The following LARP1 variants were observed in gnomAD, a reference collection of about 807,000 sequenced individuals.
LARP1 encodes the protein la-related protein 1.
A neutral mutation model predicts 122.7 loss-of-function variants in LARP1; 36 were observed. The ratio of observed to expected loss-of-function variants is 0.29; its 90% CI spans 0.22 to 0.39. The LOEUF is 0.39. Among genes scored for constraint, LARP1 ranks in the 10% least tolerant of loss-of-function variants. The probability of loss-of-function intolerance (pLI) is 1.00; values close to 1 mark genes in which losing one functional copy is unlikely to be tolerated. For synonymous variants in LARP1, 539 were observed against 528.7 expected (o/e 1.02, Z -0.27); for missense variants, 1,040 against 1,403.6 (o/e 0.74, Z 4.14).
chr5:154,792,531 C>T, intron 3 of LARP1, 91 bp from the exon 4 acceptor site: 1 of 1,188,538 alleles, frequency 8.4e-7, no homozygotes. Context: ...GCTGTGGCTC[C>T]TGCCTGCCCT....
At chr5:154,800,407 C>T (rs1758254177) in intron 10 of LARP1, among the ~76,000 whole-genome samples, 1 of 152,004 alleles carries the variant, frequency 6.6e-6, no homozygotes, top group Admixed American at 6.6e-5. Context: ...TGAGTATGTC[C>T]CCACTATCAT....
At chr5:154,778,684 A>G (rs1020123690) in intron 1 of LARP1, among the ~76,000 whole-genome samples, 5 of 152,214 alleles carry the variant, frequency 3.3e-5, no homozygotes, top group African/African-American at 1.2e-4. Flanking sequence ...ACTGGAGGGT[A>G]GTTCTTGCCA....
At chr5:154,764,928 A>C (rs1199006584) in intron 1 of LARP1, among the ~76,000 whole-genome samples, 2 of 151,518 alleles carry the variant, frequency 1.3e-5, no homozygotes, top group African/African-American at 4.8e-5. Context: ...AAGAAACAAC[A>C]AAAAAAACCT....
intron 1 of LARP1, among the ~76,000 whole-genome samples, chr5:154,739,109 G>A (rs531940009): frequency 1.4e-4 from 22 of 152,184 alleles, no homozygotes; most frequent in African/African-American, 4.6e-4. Context: ...TCTGCCTCCC[G>A]GGTTCAAGCA....
At chr5:154,786,973 G>A (rs564126806) in intron 1 of LARP1, among the ~76,000 whole-genome samples, 1 of 151,698 alleles carries the variant, frequency 6.6e-6, no homozygotes, top group African/African-American at 2.4e-5. Context: ...CCTGCCTCCT[G>A]GGTTCAAGTG....
intron 1 of LARP1, among the ~76,000 whole-genome samples, chr5:154,684,199 T>C (rs1286703832): frequency 6.6e-6 from 1 of 152,128 alleles, no homozygotes; most frequent in African/African-American, 2.4e-5. Flanking sequence ...TCCCAGCACT[T>C]TGGGAGGCCA....
rs79292453 is a variant in LARP1, at chr5:154,699,256, A to G, written c.-180+16219A>G. Reference sequence around the variant, plus strand: ...CACTGTGAAGGACACAAACACTTCAATGGATGTCAATCACATGTCAGGGAA... The same window carrying G: ...CACTGTGAAGGACACAAACACTTCAGTGGATGTCAATCACATGTCAGGGAA... On this transcript the variant is annotated intron_variant, in intron 1 of 18. Transcript: ENST00000687700. Among the ~76,000 whole-genome samples the G allele has an allele frequency of 5.2e-3, 795 of 152,352 alleles. 9 individuals carry two copies. Among genetic ancestry groups the G allele is most frequent in the East Asian group, 0.034 (175 of 5,190 alleles).
At chr5:154,706,483 A>C (rs538905998) in intron 1 of LARP1, among the ~76,000 whole-genome samples, 4 of 152,062 alleles carry the variant, frequency 2.6e-5, no homozygotes, top group Non-Finnish European at 5.9e-5. Flanking sequence ...ACATGTTCTC[A>C]CTTGTAAGTG....
Position 154,803,537 on chromosome 5 carries a change from C to G in LARP1, c.2234-3C>G, listed in dbSNP as rs537697139. On this transcript the variant is annotated splice_region_variant and splice_polypyrimidine_tract_variant and intron_variant, in intron 12 of 18. Transcript: ENST00000518297. The surrounding 1 kb of genome is among the most constrained non-coding windows in gnomAD (Gnocchi z 4.4). ...TTCCTGACTCCTCTCTCTGCCTCTG[C>G]AGTTCCTACGGATGCCCTGGCCAAC... The G allele has an allele frequency of 1.2e-6, 2 of 1,614,050 alleles. No individual in the cohort carries two copies. The highest frequency in any genetic ancestry group is 1.7e-6 in the Non-Finnish European group (2 of 1,180,032).
At chr5:154,703,324 T>G (rs1335053022) in intron 1 of LARP1, among the ~76,000 whole-genome samples, 1 of 152,114 alleles carries the variant, frequency 6.6e-6, no homozygotes, top group Non-Finnish European at 1.5e-5. Flanking sequence ...CCAGTTGCCT[T>G]TGGCCTGGGA....
In LARP1 at chr5:154,734,799, T is replaced by C. The variant is rs1670059294; in HGVS notation, c.205+21669T>C. ...TTTTTATCTTGCTAAACTGAAACTC[T>C]GCACCCATTAAAAAACAACTTCCCT... On this transcript the variant is annotated intron_variant, in intron 1 of 18. Coordinates refer to the LARP1 transcript ENST00000336314. Among the ~76,000 whole-genome samples the C allele has an allele frequency of 2.0e-5, 3 of 152,330 alleles. No homozygotes were observed. The South Asian group carries it at 6.2e-4, about 32-fold the overall frequency.
intron 1 of LARP1, among the ~76,000 whole-genome samples, chr5:154,778,216 C>T (rs552198738): frequency 1.3e-5 from 2 of 148,764 alleles, no homozygotes; most frequent in African/African-American, 2.5e-5. Context: ...GCCGAGATCG[C>T]GCTGCTGCAC....
At chr5:154,741,718 T>A (rs998736236) in intron 1 of LARP1, among the ~76,000 whole-genome samples, 2 of 151,996 alleles carry the variant, frequency 1.3e-5, no homozygotes, top group African/African-American at 4.8e-5. Context: ...TGGAGGTAAA[T>A]GGGTTCTGGA....
intron 1 of LARP1, among the ~76,000 whole-genome samples, chr5:154,687,416 C>G (rs1422156352): frequency 6.6e-6 from 1 of 152,190 alleles, no homozygotes; most frequent in Non-Finnish European, 1.5e-5. Flanking sequence ...GAGTCTCACT[C>G]TGTCACCTAG....
rs766724561 is a variant in LARP1, at chr5:154,802,949, C to T, written c.2110-341C>T. On this transcript the variant is annotated intron_variant, in intron 11 of 18. Coordinates refer to ENST00000518297, the MANE Select transcript of LARP1 (RefSeq NM_033551.3). The surrounding 1 kb of genome is among the most constrained non-coding windows in gnomAD (Gnocchi z 5.1). ...GTAAGGAGGAAGGAGAGTTGCCCAGCCACTGTGTGATAAGGCAGTAGCAGA... is the reference window on the plus strand; with the variant it reads ...GTAAGGAGGAAGGAGAGTTGCCCAGTCACTGTGTGATAAGGCAGTAGCAGA... Among the ~76,000 whole-genome samples the T allele has an allele frequency of 6.6e-6, 1 of 152,116 alleles. No individual in the cohort carries two copies. Among genetic ancestry groups the T allele is most frequent in the Non-Finnish European group, 1.5e-5 (1 of 68,020 alleles).
rs1445703252 is a variant in LARP1, at chr5:154,802,076, T to TC, written c.1788dup (p.Lys597GlnfsTer5). ...GCAGCTGCCTTCCCAGCAGCTGATG[T>TC]CCAAGGATCAGGATGAGCAAGAGGA... On this transcript the variant is annotated frameshift_variant, in exon 11 of 19. Transcript: ENST00000518297. LOFTEE classifies it high-confidence loss of function. This position sits in a 1 kb window ranked among gnomAD's most constrained non-coding sequence, Gnocchi z 5.1. The TC allele has an allele frequency of 6.2e-7, 1 of 1,614,080 alleles. No homozygotes were observed. Among genetic ancestry groups the TC allele is most frequent in the Admixed American group, 1.7e-5 (1 of 60,022 alleles).
intron 1 of LARP1, among the ~76,000 whole-genome samples, chr5:154,735,283 C>T (rs529089474): frequency 7.8e-4 from 119 of 152,048 alleles, no homozygotes; most frequent in African/African-American, 2.6e-3. Flanking sequence ...GGTGAAACCC[C>T]GTCTCTACTA....
chr5:154,722,919 G>A (rs1254577925), intron 1 of LARP1, among the ~76,000 whole-genome samples: 2 of 152,148 alleles, frequency 1.3e-5, no homozygotes, highest in African/African-American at 2.4e-5. Context: ...GACCTCAGGT[G>A]ATCCACCCAC....
intron 1 of LARP1, among the ~76,000 whole-genome samples, chr5:154,764,595 CAAAA>C (rs1158921641): frequency 2.2e-5 from 1 of 44,888 alleles, no homozygotes; most frequent in Non-Finnish European, 3.7e-5. Context: ...GACCATGTCT[CAAAA>C]AAAAAAAAAA....
Sources: allele counts gnomAD v4.1 joint callset (sites outside exome capture counted in the v4.1 genomes callset), GRCh38; gene constraint gnomAD v4.1.1; non-coding constraint Gnocchi (gnomAD v3.1); transcripts MANE v1.5; gene names NCBI Gene and HGNC (gene_info 2026-07-23, HGNC 2026-07-21).